The following CELF2 variants were observed in gnomAD, a reference collection of about 807,000 sequenced individuals.
The protein encoded by CELF2 is CUG triplet repeat RNA-binding protein 2.
In CELF2, 8 loss-of-function variants were observed where a neutral mutation model predicts 62.6. The observed-to-expected ratio is 0.13, with a 90% CI of 0.07 to 0.23. The LOEUF is 0.23. CELF2 is among the 10% of genes least tolerant of loss of function. The probability of loss-of-function intolerance (pLI) is 1.00; values close to 1 mark genes in which losing one functional copy is unlikely to be tolerated. For synonymous variants in CELF2, 258 were observed against 250.0 expected, an observed-to-expected ratio of 1.03 and a Z score of -0.30; for missense variants, 333 against 671.0, an observed-to-expected ratio of 0.50 and a Z score of 5.56.
intron 2 of CELF2, among the ~76,000 whole-genome samples, chr10:10,996,678 T>C (rs1214894132): frequency 6.6e-6 from 1 of 152,236 alleles, no homozygotes; most frequent in East Asian, 1.9e-4. Flanking sequence ...ATAATGCCTT[T>C]GGTGTTCTCT....
intron 1 of CELF2, among the ~76,000 whole-genome samples, chr10:11,077,325 C>G (rs1051552227): frequency 1.3e-5 from 2 of 151,460 alleles, no homozygotes; most frequent in African/African-American, 4.8e-5. Context: ...TTGTTTCTCT[C>G]TTAAAGCCAA....
In CELF2 at chr10:11,156,758, A is replaced by G. The variant is rs1000104117; in HGVS notation, c.75-8728A>G. ...GTTTCTGAGGTTCCGCGGTCAGAGA[A>G]GGGAAAGGCCAGAGCAAGCAGCCAG... On this transcript the variant is annotated intron_variant, in intron 1 of 12. Transcript: ENST00000633077. This position sits in a 1 kb window ranked among gnomAD's most constrained non-coding sequence, Gnocchi z 4.3. Among the ~76,000 whole-genome samples, 1 of 152,176 alleles carries G rather than the reference A, an allele frequency of 6.6e-6. No individual in the cohort carries two copies. The highest frequency in any genetic ancestry group is 1.5e-5 in the Non-Finnish European group (1 of 68,032).
At chr10:11,190,431 T>C (rs2076018456) in intron 2 of CELF2, among the ~76,000 whole-genome samples, 1 of 152,146 alleles carries the variant, frequency 6.6e-6, no homozygotes, top group African/African-American at 2.4e-5. Context: ...CTTTCTTCTC[T>C]GTGTGTCAGT....
intron 9 of CELF2, among the ~76,000 whole-genome samples, chr10:11,291,553 A>G (rs966019396): frequency 6.6e-6 from 1 of 152,238 alleles, no homozygotes; most frequent in Non-Finnish European, 1.5e-5. Flanking sequence ...TCATGAAAGA[A>G]TAAAATCCAG....
chr10:10,864,290 T>C lies in CELF2; in HGVS notation c.54-55674T>C, dbSNP rs574493400. ...ATTAAATCTCAGAAAGAAAACTACA[T>C]CATTTCTCCAGTGCATTCCATTAGC... is the stretch of plus-strand genomic sequence containing the variant. On this transcript the variant is annotated intron_variant, in intron 1 of 13. Transcript: ENST00000636488. Among the ~76,000 whole-genome samples, 3 of 152,122 alleles carry C rather than the reference T, an allele frequency of 2.0e-5. No homozygotes were observed. In the South Asian group the frequency reaches 6.2e-4, roughly 32 times the overall value.
the CELF2 span, among the ~76,000 whole-genome samples, chr10:10,772,676 T>C: frequency 1.3e-5 from 2 of 152,208 alleles, no homozygotes; most frequent in African/African-American, 4.8e-5. Context: ...TGCTTCTTAT[T>C]CCTCCTTAAG....
At chr10:10,752,711 A>G in the CELF2 span, among the ~76,000 whole-genome samples, 2 of 144,294 alleles carry the variant, frequency 1.4e-5, no homozygotes, top group Non-Finnish European at 3.0e-5. Context: ...AAAAAAAGAA[A>G]GAAAAAGAAA....
At chr10:11,118,749 G>T (rs564329579) in intron 1 of CELF2, among the ~76,000 whole-genome samples, 25 of 152,282 alleles carry the variant, frequency 1.6e-4, no homozygotes, top group South Asian at 8.3e-4. Context: ...CCTGTACAAG[G>T]ATGAGAAAAT....
At chr10:10,816,737 A>G (rs1031020523) in intron 1 of CELF2, among the ~76,000 whole-genome samples, 1 of 152,234 alleles carries the variant, frequency 6.6e-6, no homozygotes, top group African/African-American at 2.4e-5. Flanking sequence ...TTGCTTTGCC[A>G]TTAAATTCTC....
At chr10:11,312,678 G>C (rs1411917750) in intron 9 of CELF2, among the ~76,000 whole-genome samples, 3 of 152,258 alleles carry the variant, frequency 2.0e-5, no homozygotes, top group African/African-American at 7.2e-5. Flanking sequence ...GCTCACACCT[G>C]TAATCCCAGC....
intron 1 of CELF2, among the ~76,000 whole-genome samples, chr10:10,833,013 CTGTGTG>C (rs71378768): frequency 0.022 from 3,136 of 144,604 alleles, 48 homozygotes; most frequent in Non-Finnish European, 0.027. Context: ...ACAGAAAACT[CTGTGTG>C]TGTGTGTGTG....
the CELF2 span, among the ~76,000 whole-genome samples, chr10:10,786,917 A>T: frequency 6.6e-6 from 1 of 151,854 alleles, no homozygotes; most frequent in Non-Finnish European, 1.5e-5. Context: ...ACACACACAC[A>T]CAGGAGTGCA....
intron 1 of CELF2, among the ~76,000 whole-genome samples, chr10:11,021,629 C>G (rs1031333564): frequency 6.6e-6 from 1 of 152,196 alleles, no homozygotes; most frequent in Non-Finnish European, 1.5e-5. Flanking sequence ...CACACCGTCT[C>G]TAATCTGCAG....
At chr10:10,711,494 C>T in the CELF2 span, among the ~76,000 whole-genome samples, 5 of 152,264 alleles carry the variant, frequency 3.3e-5, no homozygotes, top group African/African-American at 1.2e-4. Context: ...AAAGTCCATT[C>T]CTGACCTGCA....
the CELF2 span, among the ~76,000 whole-genome samples, chr10:10,570,114 C>T: frequency 1.3e-5 from 2 of 152,146 alleles, no homozygotes; most frequent in African/African-American, 4.8e-5. Flanking sequence ...CAGTTGCTCA[C>T]CTGAGACCTG....
the CELF2 span, among the ~76,000 whole-genome samples, chr10:10,635,971 C>A: frequency 6.6e-6 from 1 of 152,144 alleles, no homozygotes; most frequent in East Asian, 1.9e-4. Flanking sequence ...TTCCCTGAAC[C>A]CATTTGGTTC....
chr10:11,294,351 A>G (rs554472032), intron 9 of CELF2, among the ~76,000 whole-genome samples: 1 of 152,130 alleles, frequency 6.6e-6, no homozygotes, highest in Non-Finnish European at 1.5e-5. Flanking sequence ...GCAAGGTCCC[A>G]TTTTGCTTTT....
the CELF2 span, among the ~76,000 whole-genome samples, chr10:10,647,875 C>T: frequency 3.3e-5 from 5 of 152,298 alleles, no homozygotes; most frequent in Admixed American, 3.3e-4. Context: ...TGCCATTTAA[C>T]TGAATCCTGG....
the CELF2 span, among the ~76,000 whole-genome samples, chr10:10,487,422 T>C: frequency 6.6e-6 from 1 of 152,204 alleles, no homozygotes; most frequent in Non-Finnish European, 1.5e-5. Context: ...TTGCATGGAT[T>C]GGACTGGTTC....
Sources: gnomAD v4.1 joint callset for allele counts (sites outside exome capture counted in the v4.1 genomes callset) on GRCh38, gnomAD v4.1.1 for gene constraint, Gnocchi (gnomAD v3.1) non-coding constraint, MANE v1.5 for transcripts, NCBI Gene and HGNC (gene_info 2026-07-23, HGNC 2026-07-21) for gene names.